Variants in ADGB observed in about 807,000 individuals in gnomAD.
ADGB encodes calpain-7-like protein.
ADGB carries 172 observed loss-of-function variants against 210.5 expected under a neutral mutation model. The observed-to-expected ratio is 0.82, with a 90% confidence interval of 0.72 to 0.93. ADGB has a LOEUF of 0.93. Ranked by LOEUF, ADGB falls within the 40% of genes least tolerant of loss-of-function variation. The pLI, the probability that ADGB is intolerant of heterozygous loss-of-function variation, is 0.00. For missense variants in ADGB, 2,025 were observed against 1,964.8 expected, an observed-to-expected ratio of 1.03 and a Z score of -0.58; for synonymous variants, 658 against 662.7, an observed-to-expected ratio of 0.99 and a Z score of 0.11.
chr6:146,660,899 T>C (rs1231865428), intron 5 of ADGB, among the ~76,000 whole-genome samples: 1 of 148,692 alleles, frequency 6.7e-6, no homozygotes, highest in African/African-American at 2.6e-5. Context: ...GATTTTATTC[T>C]TTGTTTGTTC....
chr6:146,732,814 A>T (rs891182180), intron 20 of ADGB, among the ~76,000 whole-genome samples: 36 of 152,172 alleles, frequency 2.4e-4, no homozygotes, highest in African/African-American at 8.7e-4. Flanking sequence ...TAACTTGCTT[A>T]AGCAGAAGGA....
intron 1 of ADGB, among the ~76,000 whole-genome samples, chr6:146,609,903 G>A (rs1780682279): frequency 2.0e-5 from 3 of 152,036 alleles, no homozygotes; most frequent in East Asian, 1.9e-4. Flanking sequence ...TTTAGGGGTA[G>A]GTGACCTGCC....
At chr6:146,729,762 T>C (rs1160532477) in intron 20 of ADGB, among the ~76,000 whole-genome samples, 1 of 152,220 alleles carries the variant, frequency 6.6e-6, no homozygotes, top group East Asian at 1.9e-4. Flanking sequence ...TACTTGTTAT[T>C]ACTAATTTAA....
chr6:146,803,793 G>A, intron 35 of ADGB: 1 of 565,396 alleles, frequency 1.8e-6, no homozygotes, highest in Non-Finnish European at 3.1e-6. Flanking sequence ...GCAGCCTAGA[G>A]CGTCCCTCGG....
chr6:146,752,772 A>G (rs2114612677), intron 27 of ADGB, 58 bp downstream of exon 27: 1 of 1,400,874 alleles, frequency 7.1e-7, no homozygotes. Flanking sequence ...TTATGTTTTC[A>G]TGACACTTTA....
intron 27 of ADGB, among the ~76,000 whole-genome samples, chr6:146,760,609 T>G (rs188641556): frequency 6.6e-6 from 1 of 152,028 alleles, no homozygotes; most frequent in East Asian, 1.9e-4. Context: ...TTCATTTCAC[T>G]TGGATCAATA....
At chr6:146,686,721 G>C (rs1241703527) in intron 10 of ADGB, among the ~76,000 whole-genome samples, 1 of 151,948 alleles carries the variant, frequency 6.6e-6, no homozygotes, top group Non-Finnish European at 1.5e-5. Flanking sequence ...CTGCTTTTGG[G>C]GTTTTTGAAT....
At chr6:146,630,546 A>AAAAC (rs142378334) in intron 1 of ADGB, among the ~76,000 whole-genome samples, 5,470 of 152,110 alleles carry the variant, frequency 0.036, 320 homozygotes, top group African/African-American at 0.12. Flanking sequence ...TGCTTCTTAA[A>AAAAC]AAACAAACAA....
At chr6:146,693,419 T>C (rs1160192967) in intron 12 of ADGB, among the ~76,000 whole-genome samples, 1 of 152,098 alleles carries the variant, frequency 6.6e-6, no homozygotes, top group African/African-American at 2.4e-5. Context: ...AAGGAGAGTC[T>C]TCATAAGAAA....
intron 18 of ADGB, 92 bp downstream of exon 18, chr6:146,724,419 G>A (rs1776865482): frequency 7.7e-7 from 1 of 1,304,538 alleles, no homozygotes; most frequent in South Asian, 1.9e-5. Flanking sequence ...TGGACTCTAA[G>A]ACATTGTTTC....
At chr6:146,749,645 G>A (rs949383481) in intron 26 of ADGB, among the ~76,000 whole-genome samples, 7 of 152,182 alleles carry the variant, frequency 4.6e-5, no homozygotes, top group East Asian at 1.9e-4. Context: ...GTGTTAGTCC[G>A]TTCTCACACT....
At chr6:146,704,196 T>A (rs1407184632) in intron 13 of ADGB, among the ~76,000 whole-genome samples, 1 of 151,988 alleles carries the variant, frequency 6.6e-6, no homozygotes, top group Non-Finnish European at 1.5e-5. Flanking sequence ...TCCTTATATG[T>A]TTTGAATATT....
At chr6:146,788,826 C>G (rs1367210384) in intron 33 of ADGB, among the ~76,000 whole-genome samples, 2 of 152,086 alleles carry the variant, frequency 1.3e-5, no homozygotes, top group East Asian at 3.9e-4. Context: ...CAAAAGCCCC[C>G]CTACAGATTT....
intron 5 of ADGB, among the ~76,000 whole-genome samples, chr6:146,658,774 A>G (rs77041049): frequency 2.4e-3 from 361 of 152,326 alleles, no homozygotes; most frequent in Middle Eastern, 6.8e-3. Context: ...AGTCTGGTCC[A>G]GTCATTTAGC....
At chr6:146,742,674 G>A (rs548257582) in intron 25 of ADGB, among the ~76,000 whole-genome samples, 12 of 152,200 alleles carry the variant, frequency 7.9e-5, no homozygotes, top group African/African-American at 2.2e-4. Context: ...TTCAATTCCT[G>A]TACATCAGAC....
intron 1 of ADGB, among the ~76,000 whole-genome samples, chr6:146,609,581 A>G (rs183552198): frequency 1.3e-5 from 2 of 152,332 alleles, no homozygotes; most frequent in Admixed American, 6.5e-5. Context: ...GGTGGCCAGC[A>G]ACAGTCTTTC....
At chr6:146,610,307 G>A (rs1780688401) in intron 1 of ADGB, among the ~76,000 whole-genome samples, 1 of 152,134 alleles carries the variant, frequency 6.6e-6, no homozygotes, top group South Asian at 2.1e-4. Context: ...CGCAATCTAT[G>A]TTACCATCCA....
chr6:146,654,832 ATCTATTC>A (rs1210018593), intron 4 of ADGB, among the ~76,000 whole-genome samples: 1 of 152,050 alleles, frequency 6.6e-6, no homozygotes, highest in African/African-American at 2.4e-5. Context: ...AACACTGAAG[ATCTATTC>A]TCTGAGCACA....
intron 2 of ADGB, among the ~76,000 whole-genome samples, chr6:146,643,885 G>A (rs928479669): frequency 6.6e-6 from 1 of 151,826 alleles, no homozygotes; most frequent in Non-Finnish European, 1.5e-5. Context: ...ACTGACAGAA[G>A]AAAAGCCAAT....
Sources: allele counts gnomAD v4.1 joint callset (sites outside exome capture counted in the v4.1 genomes callset), GRCh38; gene constraint gnomAD v4.1.1; transcripts MANE v1.5; gene names NCBI Gene and HGNC (gene_info 2026-07-23, HGNC 2026-07-21).